The following SCAI variants were observed in gnomAD, a reference collection of about 807,000 sequenced individuals.
SCAI encodes protein SCAI.
Under a neutral mutation model 92.2 loss-of-function variants are expected in SCAI, and 24 were observed. The observed-to-expected ratio is 0.26, with a 90% CI of 0.19 to 0.37. The LOEUF is 0.37. Ranked by LOEUF, SCAI falls within the 10% of genes least tolerant of loss-of-function variation. SCAI has a pLI of 1.00. For missense variants in SCAI, 450 were observed against 736.2 expected (o/e 0.61, Z 4.50); for synonymous variants, 261 against 258.6 (o/e 1.01, Z -0.09).
At chr9:124,992,040 T>C (rs1001570347) in intron 14 of SCAI, among the ~76,000 whole-genome samples, 1 of 151,990 alleles carries the variant, frequency 6.6e-6, no homozygotes, top group African/African-American at 2.4e-5. Flanking sequence ...CTCAGCTTCC[T>C]GAAGTAGCTG....
chr9:125,038,961 A>T (rs1476224672), intron 3 of SCAI, among the ~76,000 whole-genome samples: 1 of 152,220 alleles, frequency 6.6e-6, no homozygotes, highest in East Asian at 1.9e-4. Flanking sequence ...ATTTTATTAC[A>T]GAAGACAATC....
intron 10 of SCAI, 37 bp downstream of exon 10, chr9:125,003,432 G>T (rs758262548): frequency 6.5e-6 from 9 of 1,386,682 alleles, no homozygotes; most frequent in Non-Finnish European, 9.3e-6. Flanking sequence ...CGCAGCCAGA[G>T]GGTTACCAAA....
At chr9:124,959,483 T>TATAC (rs1831391803) in intron 17 of SCAI, among the ~76,000 whole-genome samples, 1 of 141,844 alleles carries the variant, frequency 7.1e-6, no homozygotes, top group South Asian at 2.2e-4. Flanking sequence ...TATATATATA[T>TATAC]ACACACACAC....
intron 2 of SCAI, among the ~76,000 whole-genome samples, chr9:125,090,725 A>C (rs1834413496): frequency 1.3e-5 from 2 of 152,154 alleles, no homozygotes; most frequent in Non-Finnish European, 2.9e-5. Flanking sequence ...TTCCCACCTC[A>C]GCCTCCCAAA....
intron 13 of SCAI, among the ~76,000 whole-genome samples, chr9:124,996,868 G>A (rs540031008): frequency 6.6e-6 from 1 of 151,820 alleles, no homozygotes; most frequent in African/African-American, 2.4e-5. Flanking sequence ...GACCTCAAGT[G>A]ATCCGCCCAC....
intron 3 of SCAI, among the ~76,000 whole-genome samples, chr9:125,033,528 G>C (rs542182802): frequency 6.6e-6 from 1 of 152,296 alleles, no homozygotes; most frequent in South Asian, 2.1e-4. Context: ...AGTTTATACA[G>C]TTCAAGAGCA....
chr9:125,038,118 A>G (rs895869452), intron 3 of SCAI, among the ~76,000 whole-genome samples: 1 of 151,988 alleles, frequency 6.6e-6, no homozygotes, highest in Non-Finnish European at 1.5e-5. Flanking sequence ...TTAGCCAGAC[A>G]TGGTGGCACA....
intron 13 of SCAI, among the ~76,000 whole-genome samples, chr9:124,999,242 C>A (rs928695674): frequency 1.3e-5 from 2 of 151,878 alleles, no homozygotes; most frequent in Non-Finnish European, 2.9e-5. Context: ...CAAAAATTAG[C>A]CGGGCATGGT....
intron 2 of SCAI, among the ~76,000 whole-genome samples, chr9:125,140,901 G>C (rs972299): frequency 7.3e-5 from 11 of 151,130 alleles, no homozygotes; most frequent in Admixed American, 4.6e-4. Flanking sequence ...CTAAAATATT[G>C]TCTCACTATG....
chr9:125,142,928 C>T (rs1032242140), intron 1 of SCAI, among the ~76,000 whole-genome samples: 1 of 152,074 alleles, frequency 6.6e-6, no homozygotes. Context: ...ATCCTCGACC[C>T]CTGCTCGTCA....
intron 14 of SCAI, among the ~76,000 whole-genome samples, chr9:124,983,642 C>T (rs1472223925): frequency 6.6e-5 from 10 of 152,360 alleles, no homozygotes; most frequent in Admixed American, 3.3e-4. Context: ...CGTGAGCCAC[C>T]GTGCCCGGCC....
chr9:124,977,997 G>A (rs1228491432), intron 14 of SCAI, among the ~76,000 whole-genome samples: 1 of 151,990 alleles, frequency 6.6e-6, no homozygotes, highest in Non-Finnish European at 1.5e-5. Flanking sequence ...AGACTCTCCT[G>A]TTATGATTAA....
chr9:125,080,166 T>C lies in SCAI; in HGVS notation c.99-24159A>G, dbSNP rs572135748. Among the ~76,000 whole-genome samples, 30 of 152,276 alleles carry C rather than the reference T, an allele frequency of 2.0e-4. No homozygotes were observed. In the East Asian group the frequency reaches 5.8e-3, roughly 29 times the overall value. ...TCAAGCTCCCACGCTCCAGAAACTA[T>C]GCCAGGCATTTTATATACATATCAT... On this transcript the variant is annotated intron_variant, in intron 2 of 17. Transcript: ENST00000336505.
At chr9:125,000,918 G>A (rs1298513772) in intron 12 of SCAI, among the ~76,000 whole-genome samples, 1 of 152,110 alleles carries the variant, frequency 6.6e-6, no homozygotes, top group African/African-American at 2.4e-5. Flanking sequence ...ACTGTGGGAT[G>A]TTCAGATAAT....
chr9:125,056,373 G>A (rs1833665967), intron 2 of SCAI, among the ~76,000 whole-genome samples: 1 of 152,178 alleles, frequency 6.6e-6, no homozygotes, highest in Admixed American at 6.5e-5. Flanking sequence ...GGCTGAGGAA[G>A]CAGAATTGCT....
At chr9:124,963,831 T>C (rs1798071448) in intron 17 of SCAI, among the ~76,000 whole-genome samples, 1 of 142,748 alleles carries the variant, frequency 7.0e-6, no homozygotes, top group Non-Finnish European at 1.5e-5. Context: ...ATTCATTAAA[T>C]GGAAGTGGAT....
intron 3 of SCAI, among the ~76,000 whole-genome samples, chr9:125,055,185 C>T (rs1313038845): frequency 2.0e-5 from 3 of 152,074 alleles, no homozygotes; most frequent in Admixed American, 6.6e-5. Context: ...AGTATCTTTA[C>T]AATCACTCCT....
chr9:125,056,021 T>G lies in SCAI; in HGVS notation c.99-14A>C, dbSNP rs775279739. On this transcript the variant is annotated splice_polypyrimidine_tract_variant and intron_variant, in intron 2 of 17. Coordinates refer to ENST00000336505, the MANE Select transcript of SCAI (RefSeq NM_001144877.3). ...GCAAATTCAGTCCTGTAAGAAAACATATGTTCATTCATGCAGGAGGTAAAA... is the reference window on the plus strand; with the variant it reads ...GCAAATTCAGTCCTGTAAGAAAACAGATGTTCATTCATGCAGGAGGTAAAA... 6.3e-7 allele frequency: 1 copy of G among 1,583,316 alleles called. No homozygotes were observed. The highest frequency in any genetic ancestry group is 1.2e-5 in the South Asian group (1 of 86,098).
Position 125,077,066 on chromosome 9 carries a change from C to T in SCAI, c.99-21059G>A, listed in dbSNP as rs867453595. ...AGGCATGATGGTGTGTGCCTGTAGT[C>T]TCACCTACTCGGGAAGGTGAGTTGG... is the stretch of plus-strand genomic sequence containing the variant. On this transcript the variant is annotated intron_variant, in intron 2 of 17. Coordinates refer to ENST00000336505, the MANE Select transcript of SCAI (RefSeq NM_001144877.3). Among the ~76,000 whole-genome samples, 5 of 152,224 alleles carry T rather than the reference C, an allele frequency of 3.3e-5. 1 individual carries two copies. In the South Asian group the frequency reaches 1.0e-3, roughly 32 times the overall value.
Sources: allele counts gnomAD v4.1 joint callset (sites outside exome capture counted in the v4.1 genomes callset), GRCh38; gene constraint gnomAD v4.1.1; transcripts MANE v1.5; gene names NCBI Gene and HGNC (gene_info 2026-07-23, HGNC 2026-07-21).